C12orf76: variants seen among roughly 807,000 people sequenced by gnomAD.
The protein encoded by C12orf76 is uncharacterized protein C12orf76.
A neutral mutation model predicts 6.8 loss-of-function variants in C12orf76; 6 were observed. The observed-to-expected ratio is 0.88, with a 90% CI of 0.48 to 1.73. The LOEUF (loss-of-function observed/expected upper bound fraction) is 1.73. Ranked by LOEUF, C12orf76 falls within the 40% of genes most tolerant of loss-of-function variation. The pLI is 0.01. For synonymous variants in C12orf76, 56 were observed against 43.7 expected (o/e 1.28, Z -1.11); for missense variants, 99 against 98.2 (o/e 1.01, Z -0.03).
At chr12:110,068,252 A>AGAAGAG (rs1399236677), upstream of C12orf76, among the ~76,000 whole-genome samples, 235 of 43,366 alleles carry the variant, frequency 5.4e-3, 1 homozygote, top group Middle Eastern at 0.01. Flanking sequence ...AGAAGAAAGA[A>AGAAGAG]GAAGAAGAAG....
chr12:110,073,486 G>C (rs958467811), exon 1 of C12orf76: 6 of 521,366 alleles, frequency 1.2e-5, no homozygotes, highest in Non-Finnish European at 2.3e-5. Flanking sequence ...CTTTGGATCC[G>C]GGCGACTTTG....
upstream of C12orf76, among the ~76,000 whole-genome samples, chr12:110,069,975 C>T (rs1892941508): frequency 6.6e-6 from 1 of 152,036 alleles, no homozygotes; most frequent in Non-Finnish European, 1.5e-5. Context: ...GTGGGCTGGG[C>T]ATGGTGGCTC....
At chr12:110,056,072 CAA>C (rs112482731) in intron 4 of C12orf76, among the ~76,000 whole-genome samples, 33 of 81,416 alleles carry the variant, frequency 4.1e-4, no homozygotes, top group African/African-American at 4.8e-4. Flanking sequence ...GACTCTATCT[CAA>C]AAAAAAAAAA....
Position 110,041,461 on chromosome 12 carries a change from C to T in C12orf76, c.*913G>A, listed in dbSNP as rs1892309894. 1 of 152,562 alleles carries T rather than the reference C, an allele frequency of 6.6e-6. No homozygotes were observed. Among genetic ancestry groups the T allele is most frequent in the East Asian group, 1.9e-4 (1 of 5,196 alleles). 9.5% of individuals were successfully genotyped at this position (152,562 alleles called of 1,614,324 possible). On this transcript the variant is annotated 3_prime_UTR_variant, in exon 2 of 2. Transcript: ENST00000615315. The stretch of plus-strand genomic sequence containing the variant: ...TTCAATAGGAGGAAAAAATCCAGTT[C>T]ACCAACAGTGGAAACTAATAGCAGC...
upstream of C12orf76, among the ~76,000 whole-genome samples, chr12:110,068,246 G>GAAAGA (rs1892901390): frequency 1.0e-5 from 1 of 99,100 alleles, no homozygotes; most frequent in Non-Finnish European, 2.0e-5. Flanking sequence ...AGAAGAAGAA[G>GAAAGA]AAAGAAGAAG....
At chr12:110,048,271 C>A in intron 1 of C12orf76, 92 bp downstream of exon 1, 1 of 1,387,190 alleles carries the variant, frequency 7.2e-7, no homozygotes, top group Non-Finnish European at 9.4e-7. Flanking sequence ...CCCACTCTAT[C>A]CCCTGTCCGC....
upstream of C12orf76, among the ~76,000 whole-genome samples, chr12:110,071,911 A>G (rs912169680): frequency 6.6e-6 from 1 of 152,232 alleles, no homozygotes. Flanking sequence ...CAGTTCCTCC[A>G]AGGGTGAAAC....
chr12:110,073,387 G>A, intron 1 of C12orf76: 1 of 513,938 alleles, frequency 1.9e-6, no homozygotes, highest in South Asian at 1.4e-5. Context: ...GTCAACCACT[G>A]CAGAGATCTG....
chr12:110,073,490 G>A, exon 1 of C12orf76: 2 of 521,548 alleles, frequency 3.8e-6, no homozygotes, highest in South Asian at 1.4e-5. Context: ...GGATCCGGGC[G>A]ACTTTGTTTG....
At chr12:110,045,630 G>T (rs548809888) in intron 1 of C12orf76, among the ~76,000 whole-genome samples, 1 of 151,968 alleles carries the variant, frequency 6.6e-6, no homozygotes, top group South Asian at 2.1e-4. Context: ...CAGGAATGCA[G>T]AAGATTGGAA....
At chr12:110,061,672 GA>G in intron 2 of C12orf76, among the ~76,000 whole-genome samples, 1 of 152,052 alleles carries the variant, frequency 6.6e-6, no homozygotes, top group Middle Eastern at 3.4e-3. Flanking sequence ...GAGTAGCTGG[GA>G]TTACAGGCAT....
Position 110,059,305 on chromosome 12 carries a change from C to T in C12orf76, n.381-142G>A, listed in dbSNP as rs541076044. 6.6e-5 allele frequency: 69 copies of T among 1,039,372 alleles called. No homozygotes were observed. The African/African-American group carries it at 1.0e-3, about 16-fold the overall frequency. The allele number at this position is 1,039,372 out of a possible 1,614,324, so 64.4% of individuals were successfully genotyped here. A position where few individuals can be genotyped will look rare whatever the true frequency, so the allele number is the denominator to read the frequency against. On this transcript the variant is annotated intron_variant and non_coding_transcript_variant, in intron 2 of 4. Coordinates refer to the C12orf76 transcript ENST00000309050. ...GGATTCTCCATATATGGGATTGTGC[C>T]ATCTGTGATTAAAGATAGTTTTACT...
chr12:110,042,301 A>G lies in C12orf76; in HGVS notation c.*73T>C, dbSNP rs372750833. ...TTCCAAGTAGGAAAGTTTTGGTTCC[A>G]ACTTCTCCACTGGCCTGTGTGCAAC... On this transcript the variant is annotated 3_prime_UTR_variant, in exon 2 of 2. Transcript: ENST00000615315. The G allele has an allele frequency of 3.5e-5, 45 of 1,304,120 alleles. No homozygotes were observed. Among genetic ancestry groups the G allele is most frequent in the Non-Finnish European group, 4.7e-5 (42 of 902,148 alleles). The allele number at this position is 1,304,120 out of a possible 1,614,324, so 80.8% of individuals were successfully genotyped here. A position where few individuals can be genotyped will look rare whatever the true frequency, so the allele number is the denominator to read the frequency against.
At chr12:110,048,150 T>G (rs1266054094) in intron 1 of C12orf76, among the ~76,000 whole-genome samples, 1 of 152,202 alleles carries the variant, frequency 6.6e-6, no homozygotes, top group Non-Finnish European at 1.5e-5. Flanking sequence ...CTGGCACATA[T>G]TGAGCACTTG....
chr12:110,071,672 T>A (rs1892960999), upstream of C12orf76, among the ~76,000 whole-genome samples: 1 of 152,082 alleles, frequency 6.6e-6, no homozygotes, highest in African/African-American at 2.4e-5. Flanking sequence ...GTTGTCATCA[T>A]CATCATCATC....
rs145237961 is a variant in C12orf76 at position 110,059,179 on chromosome 12, A to G, written n.381-16T>C. ...ATGTTCCTTGCTGGTGTAAAAAAAA[A>G]TGCACACACACAATTAATTTTTGTG... On this transcript the variant is annotated splice_polypyrimidine_tract_variant and intron_variant and non_coding_transcript_variant, in intron 2 of 4. Coordinates refer to the C12orf76 transcript ENST00000309050. The G allele has an allele frequency of 7.8e-4, 1,206 of 1,536,352 alleles. 7 individuals are homozygous for G. In the African/African-American group the frequency reaches 0.014, roughly 18 times the overall value.
chr12:110,059,571 T>C (rs1892734489), intron 2 of C12orf76, among the ~76,000 whole-genome samples: 1 of 152,240 alleles, frequency 6.6e-6, no homozygotes, highest in African/African-American at 2.4e-5. Context: ...ATTAAGTCTA[T>C]ACAGGACTTC....
upstream of C12orf76, among the ~76,000 whole-genome samples, chr12:110,068,601 T>A (rs1249555349): frequency 6.6e-6 from 1 of 152,238 alleles, no homozygotes; most frequent in Non-Finnish European, 1.5e-5. Flanking sequence ...TGTAGCTGCA[T>A]CCCTGCCTCT....
chr12:110,048,144 C>T (rs776360071), intron 1 of C12orf76, among the ~76,000 whole-genome samples: 26 of 152,322 alleles, frequency 1.7e-4, no homozygotes, highest in South Asian at 8.3e-4. Flanking sequence ...AAGGTTCTGG[C>T]ACATATTGAG....
Sources: gnomAD v4.1 joint callset for allele counts (sites outside exome capture counted in the v4.1 genomes callset) on GRCh38, gnomAD v4.1.1 for gene constraint, MANE v1.5 for transcripts, NCBI Gene and HGNC (gene_info 2026-07-23, HGNC 2026-07-21) for gene names.